Variants in MRPL1 observed in about 807,000 individuals in gnomAD.
MRPL1 encodes mitochondrial ribosomal protein L1.
A neutral mutation model predicts 38.0 loss-of-function variants in MRPL1; 28 were observed. The observed-to-expected ratio is 0.74, with a 90% CI of 0.55 to 1.01. MRPL1 has a LOEUF of 1.01. MRPL1 is among the 50% of genes least tolerant of loss of function. The pLI is 0.00. For synonymous variants in MRPL1, 123 were observed against 126.7 expected (o/e 0.97, Z 0.20); for missense variants, 358 against 389.8 (o/e 0.92, Z 0.69).
chr4:77,903,870 T>A (rs1324614691), intron 6 of MRPL1, among the ~76,000 whole-genome samples: 1 of 151,186 alleles, frequency 6.6e-6, no homozygotes, highest in Non-Finnish European at 1.5e-5. Context: ...CCAACCAAAC[T>A]CCCAGAAAGC....
chr4:77,945,661 G>A (rs541836913), intron 7 of MRPL1, among the ~76,000 whole-genome samples: 2 of 152,088 alleles, frequency 1.3e-5, no homozygotes, highest in South Asian at 4.2e-4. Flanking sequence ...TATAAAGAGA[G>A]GAATTTTACA....
rs1471077506 is a variant in MRPL1, at chr4:77,909,327, G to T, written c.732G>T (p.Lys244Asn). The T allele has an allele frequency of 6.2e-7, 1 of 1,610,286 alleles. No homozygotes were observed. The highest frequency in any genetic ancestry group is 1.7e-4 in the Middle Eastern group (1 of 6,038). Residue 244 changes from lysine (K) to asparagine (N), a missense_variant, in exon 7 of 9, where the codon AAG becomes AAT. Lys to Asn is a moderately conservative substitution (Grantham distance 94). Transcript: ENST00000315567. ...TATTTAAAAATGGACATGAAATTAA[G>T]GTAGATGAAGAAAGGGAGAACTTTC... ...LELFKNGHEIKVDEERENFLQ... is the reference protein window; with the variant it reads ...LELFKNGHEINVDEERENFLQ...
At chr4:77,914,761 T>C (rs1382449401) in intron 7 of MRPL1, among the ~76,000 whole-genome samples, 2 of 151,986 alleles carry the variant, frequency 1.3e-5, no homozygotes, top group African/African-American at 4.8e-5. Flanking sequence ...CAAATTGATA[T>C]AGAATGAGTG....
At chr4:77,864,016 T>A (rs1413979988) in intron 1 of MRPL1, among the ~76,000 whole-genome samples, 27 of 150,908 alleles carry the variant, frequency 1.8e-4, no homozygotes, top group Non-Finnish European at 1.2e-4. Context: ...TTTTTTTTTT[T>A]TTTGAGTTTC....
intron 7 of MRPL1, among the ~76,000 whole-genome samples, chr4:77,918,053 C>CAAAAAAA: frequency 1.2e-5 from 1 of 82,358 alleles, no homozygotes; most frequent in South Asian, 3.6e-4. Context: ...GACTTCATCT[C>CAAAAAAA]AAAAAAAAAA....
At chr4:77,902,218 G>A (rs1323293532) in intron 6 of MRPL1, among the ~76,000 whole-genome samples, 1 of 151,998 alleles carries the variant, frequency 6.6e-6, no homozygotes, top group Non-Finnish European at 1.5e-5. Context: ...TAGTTTTAAA[G>A]GCTAAATTAG....
At chr4:77,912,485 G>A (rs1736312063) in intron 7 of MRPL1, among the ~76,000 whole-genome samples, 1 of 152,082 alleles carries the variant, frequency 6.6e-6, no homozygotes, top group Admixed American at 6.6e-5. Flanking sequence ...TAAATACTTA[G>A]GGGTAAATCT....
chr4:77,887,590 A>G (rs138153982), intron 5 of MRPL1, among the ~76,000 whole-genome samples: 3 of 152,164 alleles, frequency 2.0e-5, no homozygotes, highest in East Asian at 3.9e-4. Flanking sequence ...TGGTGGTGCA[A>G]TTATGGCTCA....
chr4:77,867,492 T>C (rs1321653464), intron 1 of MRPL1, among the ~76,000 whole-genome samples: 1 of 152,250 alleles, frequency 6.6e-6, no homozygotes, highest in Non-Finnish European at 1.5e-5. Flanking sequence ...CCCATGATGC[T>C]TACCATCTAT....
chr4:77,930,728 G>A (rs568283528), intron 7 of MRPL1, among the ~76,000 whole-genome samples: 2 of 152,340 alleles, frequency 1.3e-5, no homozygotes, highest in African/African-American at 4.8e-5. Flanking sequence ...CAATTGTGCA[G>A]CTGCATTTGG....
chr4:77,926,636 T>A (rs1736720233), intron 7 of MRPL1, among the ~76,000 whole-genome samples: 1 of 146,652 alleles, frequency 6.8e-6, no homozygotes, highest in African/African-American at 2.5e-5. Context: ...TGAGACAGAG[T>A]CTCACTCTGT....
intron 6 of MRPL1, among the ~76,000 whole-genome samples, chr4:77,907,520 C>CTCCT (rs1736184246): frequency 1.4e-5 from 2 of 145,670 alleles, no homozygotes; most frequent in African/African-American, 5.1e-5. Flanking sequence ...CTCCCCCTTC[C>CTCCT]TCCTTCCCTC....
intron 7 of MRPL1, among the ~76,000 whole-genome samples, chr4:77,940,806 G>A (rs1737107506): frequency 6.6e-6 from 1 of 152,140 alleles, no homozygotes; most frequent in Non-Finnish European, 1.5e-5. Context: ...AAATGATCAT[G>A]TGATTTTTGT....
At chr4:77,869,645 G>A (rs796467599) in intron 1 of MRPL1, among the ~76,000 whole-genome samples, 16 of 152,220 alleles carry the variant, frequency 1.1e-4, no homozygotes, top group African/African-American at 3.9e-4. Context: ...GCCCAGGCTG[G>A]AGTGCAGTGG....
intron 2 of MRPL1, among the ~76,000 whole-genome samples, chr4:77,882,058 T>C (rs529623497): frequency 3.3e-5 from 5 of 152,216 alleles, no homozygotes; most frequent in Non-Finnish European, 7.3e-5. Context: ...CAGCAAACTT[T>C]GGCGAGTCAG....
chr4:77,920,894 G>T, intron 7 of MRPL1, among the ~76,000 whole-genome samples: 1 of 152,004 alleles, frequency 6.6e-6, no homozygotes, highest in East Asian at 1.9e-4. Context: ...TCCTGAGTAG[G>T]TGGGGATTAC....
At chr4:77,941,207 A>T (rs899951797) in intron 7 of MRPL1, among the ~76,000 whole-genome samples, 6 of 151,978 alleles carry the variant, frequency 3.9e-5, no homozygotes, top group Non-Finnish European at 5.9e-5. Flanking sequence ...AGTGGTTGCC[A>T]TGATCCAGGA....
chr4:77,936,860 C>T (rs926657438), intron 7 of MRPL1, among the ~76,000 whole-genome samples: 6 of 152,132 alleles, frequency 3.9e-5, no homozygotes, highest in African/African-American at 1.2e-4. Flanking sequence ...TACGATGGCT[C>T]ATGCCTGTAA....
intron 1 of MRPL1, among the ~76,000 whole-genome samples, chr4:77,869,589 T>C (rs1040554689): frequency 6.6e-6 from 1 of 150,924 alleles, no homozygotes; most frequent in Non-Finnish European, 1.5e-5. Context: ...TGTTGTTTGT[T>C]TGTTTGTTTG....
Sources: allele counts gnomAD v4.1 joint callset (sites outside exome capture counted in the v4.1 genomes callset), GRCh38; gene constraint gnomAD v4.1.1; transcripts MANE v1.5; gene names NCBI Gene and HGNC (gene_info 2026-07-23, HGNC 2026-07-21).